MLXIPL: variants seen among roughly 807,000 people sequenced by gnomAD.
MLXIPL encodes carbohydrate-responsive element-binding protein.
In MLXIPL, 49 loss-of-function variants were observed where a neutral mutation model predicts 81.5. The observed-to-expected ratio is 0.60, with a 90% CI of 0.48 to 0.76. The LOEUF (loss-of-function observed/expected upper bound fraction) is 0.76, where lower values mean the gene tolerates loss of function less well. Among genes scored for constraint, MLXIPL ranks in the 30% least tolerant of loss-of-function variants. MLXIPL has a pLI of 0.00. For missense variants in MLXIPL, 1,053 were observed against 1,167.0 expected (o/e 0.90, Z 1.42); for synonymous variants, 466 against 485.5 (o/e 0.96, Z 0.53).
chr7:73,640,472 G>C, the MLXIPL span, among the ~76,000 whole-genome samples: 1 of 148,576 alleles, frequency 6.7e-6, no homozygotes. Context: ...AAAATAAGAA[G>C]AGGCAGTAGA....
rs1422283641 is a variant in MLXIPL, at chr7:73,597,289, G to A, written c.1496C>T (p.Ser499Phe). 4 of 1,569,956 alleles carry A rather than the reference G, an allele frequency of 2.5e-6. No homozygotes were observed. In the African/African-American group the frequency reaches 5.4e-5, roughly 21 times the overall value. ...GGGGCTGGCTTTCTGTCCCCTAGGG[G>A]ATGGGGCGGGGGGCTTGCCTCTGGG... ...SMPRGKPPAP[S>F]PRGQKASPPT... is the part of the protein sequence containing the mutation. Residue 499 changes from serine to phenylalanine, a missense_variant, in exon 9 of 17, where the codon TCC becomes TTC. By Grantham distance (155) the Ser-to-Phe change is radical (BLOSUM62 -2). Coordinates refer to ENST00000313375, the MANE Select transcript of MLXIPL (RefSeq NM_032951.3).
At chr7:73,646,749 T>C in the MLXIPL span, among the ~76,000 whole-genome samples, 1 of 152,160 alleles carries the variant, frequency 6.6e-6, no homozygotes, top group Non-Finnish European at 1.5e-5. Flanking sequence ...TTCCCAGACC[T>C]GTATTCTGAG....
intron 2 of MLXIPL, among the ~76,000 whole-genome samples, chr7:73,613,230 A>G (rs73702548): frequency 0.046 from 6,991 of 152,214 alleles, 593 homozygotes; most frequent in African/African-American, 0.16. Context: ...CATTTGTTGT[A>G]TGTGTGTCAC....
intron 1 of MLXIPL, among the ~76,000 whole-genome samples, chr7:73,617,114 C>G (rs1293730730): frequency 3.3e-5 from 5 of 151,884 alleles, no homozygotes; most frequent in Admixed American, 6.6e-5. Context: ...CTCTTGGATT[C>G]AAACAATTCT....
At chr7:73,639,230 T>C in the MLXIPL span, among the ~76,000 whole-genome samples, 1,269 of 152,330 alleles carry the variant, frequency 8.3e-3, 14 homozygotes, top group Non-Finnish European at 0.011. Context: ...ATAGGCCATT[T>C]TCCTAATCTG....
At position 73,593,500 on chromosome 7, in the gene MLXIPL, C is replaced by T. The variant is rs748414742; in HGVS notation, c.*365G>A. The T allele has an allele frequency of 2.8e-5, 9 of 321,232 alleles. No individual in the cohort carries two copies. The highest frequency in any genetic ancestry group is 5.5e-5 in the Non-Finnish European group (9 of 162,854). 19.9% of individuals were successfully genotyped at this position (321,232 alleles called of 1,614,324 possible). A position where few individuals can be genotyped will look rare whatever the true frequency, so the allele number is the denominator to read the frequency against. On this transcript the variant is annotated 3_prime_UTR_variant, in exon 17 of 17. Coordinates refer to ENST00000313375, the MANE Select transcript of MLXIPL (RefSeq NM_032951.3). ...AGAAACAGCATCCTCCTCTTTCCAC[C>T]GTTGAGCCCCCGGAGTTGCCAGCCT...
chr7:73,644,759 G>A, the MLXIPL span, among the ~76,000 whole-genome samples: 4 of 152,290 alleles, frequency 2.6e-5, no homozygotes, highest in African/African-American at 7.2e-5. Flanking sequence ...TCCTCCAGGG[G>A]ACTCAGGGAT....
chr7:73,640,413 AAAG>A, the MLXIPL span, among the ~76,000 whole-genome samples: 4 of 150,450 alleles, frequency 2.7e-5, no homozygotes, highest in Middle Eastern at 3.4e-3. Context: ...AAAAAAAAAA[AAAG>A]AAAAAGAAAA....
chr7:73,614,106 G>T (rs536471091), intron 2 of MLXIPL, among the ~76,000 whole-genome samples: 72 of 152,078 alleles, frequency 4.7e-4, no homozygotes, highest in Non-Finnish European at 7.6e-4. Context: ...CCCAGGAGAG[G>T]TGCAGGAGGC....
chr7:73,635,314 A>C, the MLXIPL span, among the ~76,000 whole-genome samples: 1 of 152,218 alleles, frequency 6.6e-6, no homozygotes, highest in South Asian at 2.1e-4. Flanking sequence ...GAGGAGAAGA[A>C]GGGGAGGAAG....
At chr7:73,608,046 G>A (rs1396237973) in intron 2 of MLXIPL, among the ~76,000 whole-genome samples, 8 of 151,308 alleles carry the variant, frequency 5.3e-5, no homozygotes, top group Non-Finnish European at 8.8e-5. Context: ...TAGTAGAGAC[G>A]GGGTTTCACC....
Position 73,593,715 on chromosome 7 carries a change from G to A in MLXIPL, c.*150C>T. On this transcript the variant is annotated 3_prime_UTR_variant, in exon 17 of 17. Transcript: ENST00000313375. ...CTTCTTGACCTCCAGGAGGTGGCAAGTGTGAAACCTGGACCCTGCTCCACC... is the reference window on the plus strand; with the variant it reads ...CTTCTTGACCTCCAGGAGGTGGCAAATGTGAAACCTGGACCCTGCTCCACC... 1.4e-6 allele frequency: 1 copy of A among 722,998 alleles called. No homozygotes were observed. Among genetic ancestry groups the A allele is most frequent in the Non-Finnish European group, 2.5e-6 (1 of 405,094 alleles). The allele number at this position is 722,998 out of a possible 1,614,324, so 44.8% of individuals were successfully genotyped here.
At chr7:73,637,543 A>G in the MLXIPL span, among the ~76,000 whole-genome samples, 6 of 152,134 alleles carry the variant, frequency 3.9e-5, no homozygotes, top group Non-Finnish European at 8.8e-5. Context: ...TACGCAAGAC[A>G]GCTTACACTC....
chr7:73,613,677 A>G (rs1795837984), intron 2 of MLXIPL, among the ~76,000 whole-genome samples: 1 of 152,204 alleles, frequency 6.6e-6, no homozygotes, highest in Non-Finnish European at 1.5e-5. Flanking sequence ...CCGGGAGGCT[A>G]GAGAATTTCC....
rs1796502693 is a variant in MLXIPL, at chr7:73,623,297, C to A, written c.293+903G>T. Among the ~76,000 whole-genome samples, 1 of 152,250 alleles carries A rather than the reference C, an allele frequency of 6.6e-6. No homozygotes were observed. Among genetic ancestry groups the A allele is most frequent in the African/African-American group, 2.4e-5 (1 of 41,462 alleles). ...ATTTGCACAGAGAAAAGATCAAGGC[C>A]GGCCGATCCCCCTTTCTCCCCTACG... is the stretch of plus-strand genomic sequence containing the variant. On this transcript the variant is annotated intron_variant, in intron 1 of 16. Coordinates refer to ENST00000313375, the MANE Select transcript of MLXIPL (RefSeq NM_032951.3). The surrounding 1 kb of genome is among the most constrained non-coding windows in gnomAD (Gnocchi z 5.7).
chr7:73,627,190 C>T (rs1223904869), upstream of MLXIPL, among the ~76,000 whole-genome samples: 1 of 152,076 alleles, frequency 6.6e-6, no homozygotes, highest in African/African-American at 2.4e-5. Flanking sequence ...ATGCTCACCC[C>T]ACTCTCCCTC....
At chr7:73,611,401 C>A (rs909693255) in intron 2 of MLXIPL, 4 of 152,250 alleles carry the variant, frequency 2.6e-5, no homozygotes, top group African/African-American at 9.6e-5. Context: ...AACTGCTGAC[C>A]CTTCCTGCCC....
At chr7:73,606,193 G>T in intron 5 of MLXIPL, 82 bp from the exon 6 acceptor site, 1 of 1,406,930 alleles carries the variant, frequency 7.1e-7, no homozygotes, top group South Asian at 1.2e-5. Flanking sequence ...AGGGTCAAGT[G>T]GTCAGCAGGA....
chr7:73,597,131 AC>A, intron 9 of MLXIPL, 50 bp downstream of exon 9: 1 of 1,333,054 alleles, frequency 7.5e-7, no homozygotes. Flanking sequence ...TGTCCTCCCC[AC>A]CCCCTGGCCT....
Sources: allele counts gnomAD v4.1 joint callset (sites outside exome capture counted in the v4.1 genomes callset), GRCh38; gene constraint gnomAD v4.1.1; non-coding constraint Gnocchi (gnomAD v3.1); transcripts MANE v1.5; gene names NCBI Gene and HGNC (gene_info 2026-07-23, HGNC 2026-07-21).